PAPPA2: variants seen among roughly 807,000 people sequenced by gnomAD.
PAPPA2 encodes the protein pappalysin 2.
PAPPA2 carries 86 observed loss-of-function variants against 176.4 expected under a neutral mutation model. The observed-to-expected ratio is 0.49, with a 90% CI of 0.41 to 0.58. The LOEUF (loss-of-function observed/expected upper bound fraction) is 0.58, where lower values mean the gene tolerates loss of function less well. Ranked by LOEUF, PAPPA2 falls within the 20% of genes least tolerant of loss-of-function variation. The probability of loss-of-function intolerance (pLI) is 0.00; values close to 1 mark genes in which losing one functional copy is unlikely to be tolerated. For synonymous variants in PAPPA2, 809 were observed against 852.2 expected (o/e 0.95, Z 0.88); for missense variants, 2,073 against 2,256.9 (o/e 0.92, Z 1.65).
chr1:176,559,647 C>T lies in PAPPA2; in HGVS notation c.919+2406C>T, dbSNP rs377611616. On this transcript the variant is annotated intron_variant, in intron 2 of 22. Coordinates refer to ENST00000367662, the MANE Select transcript of PAPPA2 (RefSeq NM_020318.3). ...CTTCCTTCTCTTACCATACAGCACT[C>T]GCCCCTGAGCTGGTCATTGTCTATT... Among the ~76,000 whole-genome samples the T allele has an allele frequency of 2.5e-4, 38 of 152,352 alleles. No homozygotes were observed. In the South Asian group the frequency reaches 6.6e-3, roughly 27 times the overall value.
intron 19 of PAPPA2, among the ~76,000 whole-genome samples, chr1:176,792,304 A>T (rs1226084531): frequency 1.3e-5 from 2 of 152,218 alleles, no homozygotes; most frequent in Non-Finnish European, 2.9e-5. Flanking sequence ...ACCTTGTAAG[A>T]TTACTCCTAA....
chr1:176,644,132 C>T (rs548184426), intron 3 of PAPPA2, among the ~76,000 whole-genome samples: 1 of 151,972 alleles, frequency 6.6e-6, no homozygotes, highest in South Asian at 2.1e-4. Flanking sequence ...CTCAAAAGCT[C>T]AGTGTCTTCA....
intron 19 of PAPPA2, 116 bp from the exon 20 acceptor site, chr1:176,793,444 T>C: frequency 1.2e-6 from 1 of 812,018 alleles, no homozygotes; most frequent in Admixed American, 2.3e-5. Flanking sequence ...CGTCATAATA[T>C]GGTGACCCAT....
chr1:176,770,865 T>C, intron 16 of PAPPA2, 102 bp from the exon 17 acceptor site: 3 of 1,079,094 alleles, frequency 2.8e-6, no homozygotes, highest in East Asian at 2.4e-5. Flanking sequence ...ATATGACTTT[T>C]GAAAGGCACC....
At chr1:176,769,297 C>A (rs1460456828) in intron 15 of PAPPA2, among the ~76,000 whole-genome samples, 1 of 152,068 alleles carries the variant, frequency 6.6e-6, no homozygotes, top group Non-Finnish European at 1.5e-5. Context: ...TTTCCCTGGC[C>A]CAGAGCAGAG....
chr1:176,663,284 T>C (rs1658452218), intron 3 of PAPPA2, among the ~76,000 whole-genome samples: 1 of 152,144 alleles, frequency 6.6e-6, no homozygotes, highest in Admixed American at 6.5e-5. Flanking sequence ...TAAGTGTGCT[T>C]TCTTCCTTTC....
chr1:176,789,740 T>C (rs1430606712), intron 17 of PAPPA2, 69 bp from the exon 18 acceptor site: 1 of 1,522,792 alleles, frequency 6.6e-7, no homozygotes, highest in African/African-American at 1.4e-5. Context: ...GCCATATTGC[T>C]GAGGATCAAG....
At chr1:176,530,853 C>G (rs979036727) in intron 1 of PAPPA2, among the ~76,000 whole-genome samples, 1 of 152,162 alleles carries the variant, frequency 6.6e-6, no homozygotes, top group Non-Finnish European at 1.5e-5. Context: ...AAAATAGGGT[C>G]TGAACACTGG....
intron 12 of PAPPA2, among the ~76,000 whole-genome samples, chr1:176,734,517 C>G (rs1662306902): frequency 6.6e-6 from 1 of 152,002 alleles, no homozygotes; most frequent in African/African-American, 2.4e-5. Flanking sequence ...GGCAGGGGCT[C>G]AAACATCAGA....
chr1:176,727,799 C>A (rs1007333297), intron 12 of PAPPA2, among the ~76,000 whole-genome samples: 1 of 151,842 alleles, frequency 6.6e-6, no homozygotes, highest in Non-Finnish European at 1.5e-5. Flanking sequence ...ATATACTAGA[C>A]CATAAAACAA....
chr1:176,659,704 T>A (rs1658248938), intron 3 of PAPPA2, among the ~76,000 whole-genome samples: 1 of 152,148 alleles, frequency 6.6e-6, no homozygotes, highest in Non-Finnish European at 1.5e-5. Flanking sequence ...ATGTGTTTAA[T>A]CTTCAAGATT....
chr1:176,574,256 C>T (rs1398937058), intron 2 of PAPPA2, among the ~76,000 whole-genome samples: 7 of 152,080 alleles, frequency 4.6e-5, no homozygotes, highest in African/African-American at 1.7e-4. Flanking sequence ...TTATTATGTG[C>T]TGAGCATAAT....
intron 19 of PAPPA2, 100 bp downstream of exon 19, chr1:176,791,582 C>T: frequency 7.3e-7 from 1 of 1,371,180 alleles, no homozygotes; most frequent in South Asian, 1.4e-5. Context: ...CAGACGGAGT[C>T]TTGCTCTGTC....
In PAPPA2 at chr1:176,679,950, A is replaced by C. The variant is rs1156559894; in HGVS notation, c.2137+8835A>C. Among the ~76,000 whole-genome samples the C allele has an allele frequency of 2.6e-5, 4 of 152,144 alleles. No homozygotes were observed. The East Asian group carries it at 7.7e-4, about 29-fold the overall frequency. ...GCCTGATGTTCAATAGGGACTCCATAGATTTGTGTGGATTTTCTCACTTGG... is the reference window on the plus strand; with the variant it reads ...GCCTGATGTTCAATAGGGACTCCATCGATTTGTGTGGATTTTCTCACTTGG... On this transcript the variant is annotated intron_variant, in intron 4 of 22. Coordinates refer to ENST00000367662, the MANE Select transcript of PAPPA2 (RefSeq NM_020318.3).
intron 12 of PAPPA2, among the ~76,000 whole-genome samples, chr1:176,729,014 A>G (rs1662009543): frequency 1.3e-5 from 2 of 152,070 alleles, no homozygotes; most frequent in South Asian, 2.1e-4. Flanking sequence ...GGGGTATAGC[A>G]TCCTTTACAT....
rs538385156 is a variant in PAPPA2 at position 176,808,217 on chromosome 1, C to G, written c.5202+8085C>G. 3.3e-5 allele frequency among the ~76,000 whole-genome samples: 5 copies of G among 152,178 alleles called. No homozygotes were observed. The East Asian group carries it at 7.7e-4, about 24-fold the overall frequency. On this transcript the variant is annotated intron_variant, in intron 21 of 22. Transcript: ENST00000367662. The stretch of plus-strand genomic sequence containing the variant: ...TTTAAATGCAGATTCTTAGGTTCTG[C>G]CCCTCCCTCCCAATTCTTTTATGTC...
intron 21 of PAPPA2, among the ~76,000 whole-genome samples, chr1:176,816,035 GTAGC>G: frequency 6.6e-6 from 1 of 150,944 alleles, no homozygotes; most frequent in East Asian, 2.0e-4. Context: ...TCTTATCTTT[GTAGC>G]TATCTTATTT....
chr1:176,517,416 ATG>A (rs1373283022), intron 1 of PAPPA2, among the ~76,000 whole-genome samples: 1 of 152,236 alleles, frequency 6.6e-6, no homozygotes, highest in Non-Finnish European at 1.5e-5. Flanking sequence ...AGCAACGTCA[ATG>A]TCTTTTAATA....
intron 1 of PAPPA2, among the ~76,000 whole-genome samples, chr1:176,465,823 G>T (rs1235327626): frequency 6.6e-6 from 1 of 151,928 alleles, no homozygotes; most frequent in Non-Finnish European, 1.5e-5. Flanking sequence ...GTAGGCCCCA[G>T]TGTGTGTTGT....
Sources: allele counts gnomAD v4.1 joint callset (sites outside exome capture counted in the v4.1 genomes callset), GRCh38; gene constraint gnomAD v4.1.1; transcripts MANE v1.5; gene names NCBI Gene and HGNC (gene_info 2026-07-23, HGNC 2026-07-21).